HTR2C: variants seen among roughly 807,000 people sequenced by gnomAD.
The protein encoded by HTR2C is 5-hydroxytryptamine receptor 2C.
HTR2C carries 5 observed loss-of-function variants against 21.0 expected under a neutral mutation model. That is an observed-to-expected ratio of 0.24 (90% CI 0.12 to 0.50). The LOEUF (loss-of-function observed/expected upper bound fraction) is 0.50. HTR2C is among the 20% of genes least tolerant of loss of function. The pLI, the probability that HTR2C is intolerant of heterozygous loss-of-function variation, is 0.98. For missense variants in HTR2C, 271 were observed against 371.2 expected, an observed-to-expected ratio of 0.73 and a Z score of 2.22; for synonymous variants, 150 against 145.3, an observed-to-expected ratio of 1.03 and a Z score of -0.23.
At chrX:114,812,055 C>G (rs782257392) in intron 4 of HTR2C, among the ~76,000 whole-genome samples, 1 of 110,888 alleles carries the variant, frequency 9.0e-6, no homozygotes, top group East Asian at 2.8e-4. Flanking sequence ...AGGTATTAAG[C>G]CCAGCATGTT....
At chrX:114,867,875 T>C (rs1556475118) in intron 5 of HTR2C, among the ~76,000 whole-genome samples, 1 of 111,648 alleles carries the variant, frequency 9.0e-6, no homozygotes, top group Non-Finnish European at 1.9e-5. Flanking sequence ...ATGTCTGTTT[T>C]TATGCTAGTA....
chrX:114,773,133 A>G (rs2070022887), intron 4 of HTR2C, among the ~76,000 whole-genome samples: 1 of 111,952 alleles, frequency 8.9e-6, no homozygotes, highest in South Asian at 3.7e-4. Flanking sequence ...TGAGCTTAAC[A>G]TTTTTGCTTT....
At chrX:114,618,102 TTAAC>T (rs1443879847) in intron 2 of HTR2C, among the ~76,000 whole-genome samples, 2 of 112,204 alleles carry the variant, frequency 1.8e-5, no homozygotes, top group African/African-American at 6.5e-5. Context: ...ACACATGGAA[TTAAC>T]TAAGTACTTA....
chrX:114,691,571 T>C (rs782111047), intron 2 of HTR2C, among the ~76,000 whole-genome samples: 50 of 111,952 alleles, frequency 4.5e-4, no homozygotes, highest in Non-Finnish European at 8.7e-4. Context: ...ATTCTGTGTA[T>C]ATTCTCTACA....
intron 4 of HTR2C, among the ~76,000 whole-genome samples, chrX:114,842,619 G>A (rs1208642743): frequency 8.9e-6 from 1 of 111,769 alleles, no homozygotes; most frequent in Non-Finnish European, 1.9e-5. Flanking sequence ...ATGTCAGAAT[G>A]CTCAGAAGAA....
intron 4 of HTR2C, among the ~76,000 whole-genome samples, chrX:114,811,196 A>G (rs1466599743): frequency 9.0e-6 from 1 of 111,290 alleles, no homozygotes; most frequent in Non-Finnish European, 1.9e-5. Context: ...TAGTCCCAAT[A>G]ATAGTCATTT....
At chrX:114,595,314 C>A (rs1345274933) in intron 1 of HTR2C, among the ~76,000 whole-genome samples, 1 of 110,620 alleles carries the variant, frequency 9.0e-6, no homozygotes, top group African/African-American at 3.3e-5. Context: ...AACTCCTGGG[C>A]TCAAGCGATT....
Position 114,645,355 on chromosome X carries a change from G to T in HTR2C, c.-80+31474G>T, listed in dbSNP as rs782608136. Among the ~76,000 whole-genome samples, 3 of 111,174 alleles carry T rather than the reference G, an allele frequency of 2.7e-5. No homozygotes were observed. The East Asian group carries it at 8.5e-4, about 32-fold the overall frequency. On this transcript the variant is annotated intron_variant, in intron 2 of 5. Transcript: ENST00000276198. ...AGCATGAAAAGATAGATTTATGCAG[G>T]AGGAATTAAGGAATATGAGAAAATG...
rs1203191365 is a variant in HTR2C, at chrX:114,908,871, T to C, written c.*1456T>C. The C allele has an allele frequency of 8.9e-6, 1 of 112,805 alleles. No individual in the cohort carries two copies. Among genetic ancestry groups the C allele is most frequent in the Non-Finnish European group, 1.9e-5 (1 of 53,339 alleles). 9.3% of individuals were successfully genotyped at this position (112,805 alleles called of 1,213,427 possible). On this transcript the variant is annotated 3_prime_UTR_variant, in exon 6 of 6. Coordinates refer to ENST00000276198, the MANE Select transcript of HTR2C (RefSeq NM_000868.4). ...TGTGTGCAGAGTATACAAGTGTTTC[T>C]AGTAACAGTATTTCCATACGTGCCC...
Position 114,646,911 on chromosome X carries a change from A to AT in HTR2C, c.-80+33038dup, listed in dbSNP as rs782376167. On this transcript the variant is annotated intron_variant, in intron 2 of 5. Coordinates refer to ENST00000276198, the MANE Select transcript of HTR2C (RefSeq NM_000868.4). ...TCTCTGGTGATTAGAGATGATGAAC[A>AT]TTTTTTTTCATATATCTGTTGGCCA... Among the ~76,000 whole-genome samples, 4 of 110,916 alleles carry AT rather than the reference A, an allele frequency of 3.6e-5. No individual in the cohort carries two copies. In the South Asian group the frequency reaches 1.1e-3, roughly 31 times the overall value.
At chrX:114,662,163 A>G (rs889967107) in intron 2 of HTR2C, among the ~76,000 whole-genome samples, 1 of 111,797 alleles carries the variant, frequency 8.9e-6, no homozygotes, top group Non-Finnish European at 1.9e-5. Context: ...TAAATAACCA[A>G]TCGCTTAAGT....
At chrX:114,895,465 G>C (rs895881091) in intron 5 of HTR2C, among the ~76,000 whole-genome samples, 1 of 111,259 alleles carries the variant, frequency 9.0e-6, no homozygotes, top group African/African-American at 3.3e-5. Context: ...TCTTGGTAGA[G>C]ATTGATCCAT....
chrX:114,723,312 T>C (rs2147334911), intron 2 of HTR2C, among the ~76,000 whole-genome samples: 1 of 111,777 alleles, frequency 8.9e-6, no homozygotes, highest in African/African-American at 3.2e-5. Flanking sequence ...TAGAGGTGTT[T>C]GTAGTATTCT....
rs148952600 is a variant in HTR2C at position 114,848,758 on chromosome X, G to T, written c.550+555G>T. Among the ~76,000 whole-genome samples, 608 of 109,971 alleles carry T rather than the reference G, an allele frequency of 5.5e-3. 5 individuals carry two copies. Among genetic ancestry groups the T allele is most frequent in the African/African-American group, 0.019 (579 of 30,436 alleles). ...TTTTAATTGTCTTCTTGAATTCTGG[G>T]TATACAAAAAGAAAAAAAAATTTGT... On this transcript the variant is annotated intron_variant, in intron 5 of 5. Transcript: ENST00000276198.
At chrX:114,810,149 T>C (rs2070517193) in intron 4 of HTR2C, among the ~76,000 whole-genome samples, 1 of 111,526 alleles carries the variant, frequency 9.0e-6, no homozygotes, top group South Asian at 3.8e-4. Context: ...GGTATCCAGA[T>C]TGCAGGACAA....
intron 4 of HTR2C, among the ~76,000 whole-genome samples, chrX:114,764,865 A>ATCTTTCTT (rs1234459517): frequency 0.028 from 1,277 of 45,223 alleles, 43 homozygotes; most frequent in African/African-American, 0.035. Context: ...CATGGAATCA[A>ATCTTTCTT]TCTTTCTTTC....
At chrX:114,604,345 G>C (rs868919269) in intron 1 of HTR2C, among the ~76,000 whole-genome samples, 1 of 110,493 alleles carries the variant, frequency 9.1e-6, no homozygotes, top group Non-Finnish European at 1.9e-5. Flanking sequence ...GTTGGCACCA[G>C]AGTTGGGGAG....
In HTR2C at chrX:114,907,410, GT is replaced by G; in HGVS notation, c.1373del (p.Val458GlyfsTer17). On this transcript the variant is annotated frameshift_variant, in exon 6 of 6. Coordinates refer to ENST00000276198, the MANE Select transcript of HTR2C (RefSeq NM_000868.4). LOFTEE classifies it high-confidence loss of function. ...SSVVSERISS[V>X] The stretch of plus-strand genomic sequence containing the variant: ...TGTGGTTAGCGAAAGGATTAGCAGT[GT>G]GTGAGAAAGAACAGCACAGTCTTTT... 8.5e-7 allele frequency: 1 copy of G among 1,183,021 alleles called. No homozygotes were observed. The highest frequency in any genetic ancestry group is 1.8e-5 in the South Asian group (1 of 55,912).
chrX:114,702,921 T>C (rs1297644821), intron 2 of HTR2C, among the ~76,000 whole-genome samples: 19 of 100,298 alleles, frequency 1.9e-4, no homozygotes, highest in African/African-American at 5.3e-4. Context: ...TAGTCTCTGA[T>C]AAAACAGACT....
Sources: gnomAD v4.1 joint callset for allele counts (sites outside exome capture counted in the v4.1 genomes callset) on GRCh38, gnomAD v4.1.1 for gene constraint, MANE v1.5 for transcripts, NCBI Gene and HGNC (gene_info 2026-07-23, HGNC 2026-07-21) for gene names.